Variants in FHL2 observed in about 807,000 individuals in gnomAD.
FHL2 encodes the protein four and a half LIM domains protein 2.
A neutral mutation model predicts 32.7 loss-of-function variants in FHL2; 20 were observed. The ratio of observed to expected loss-of-function variants is 0.61; its 90% CI spans 0.43 to 0.89. The LOEUF (loss-of-function observed/expected upper bound fraction) is 0.89. Ranked by LOEUF, FHL2 falls within the 40% of genes least tolerant of loss-of-function variation. The pLI, the probability that FHL2 is intolerant of heterozygous loss-of-function variation, is 0.00. For synonymous variants in FHL2, 123 were observed against 128.1 expected (o/e 0.96, Z 0.27); for missense variants, 311 against 358.6 (o/e 0.87, Z 1.07).
intron 3 of FHL2, among the ~76,000 whole-genome samples, chr2:105,385,567 G>A (rs1348799511): frequency 6.6e-6 from 1 of 152,220 alleles, no homozygotes; most frequent in Non-Finnish European, 1.5e-5. Flanking sequence ...CCATTTTGTA[G>A]CCAGTTTCAC....
At chr2:105,435,560 G>T (rs548381340) in intron 1 of FHL2, among the ~76,000 whole-genome samples, 1 of 152,166 alleles carries the variant, frequency 6.6e-6, no homozygotes, top group Non-Finnish European at 1.5e-5. Flanking sequence ...ACTCTTTAAA[G>T]ACCAGAATGA....
At chr2:105,425,611 T>A (rs1684239685) in intron 1 of FHL2, among the ~76,000 whole-genome samples, 1 of 152,012 alleles carries the variant, frequency 6.6e-6, no homozygotes, top group African/African-American at 2.4e-5. Flanking sequence ...TTTGTTCAAC[T>A]CTGAGATAGG....
chr2:105,417,684 CAAAAAAAA>C (rs11353319), intron 1 of FHL2, among the ~76,000 whole-genome samples: 1 of 89,396 alleles, frequency 1.1e-5, no homozygotes, highest in Non-Finnish European at 2.2e-5. Flanking sequence ...ACTCCATCTC[CAAAAAAAA>C]AAAAAAAAAA....
At chr2:105,395,369 C>T (rs1683051086) in intron 2 of FHL2, among the ~76,000 whole-genome samples, 1 of 152,200 alleles carries the variant, frequency 6.6e-6, no homozygotes, top group Admixed American at 6.5e-5. Flanking sequence ...TCTACACCTA[C>T]AAAACGAAAA....
intron 3 of FHL2, chr2:105,376,577 G>C (rs562905501): frequency 7.9e-5 from 12 of 152,314 alleles, no homozygotes; most frequent in African/African-American, 2.6e-4. Context: ...TGGAAGAAAT[G>C]CATTAAGAAT....
chr2:105,428,993 C>A lies in FHL2; in HGVS notation c.-25+9406G>T, dbSNP rs530887795. 2.0e-5 allele frequency among the ~76,000 whole-genome samples: 3 copies of A among 152,296 alleles called. No individual in the cohort carries two copies. In the East Asian group the frequency reaches 5.8e-4, roughly 29 times the overall value. On this transcript the variant is annotated intron_variant, in intron 1 of 5. Transcript: ENST00000393352. ...ATGGGGTGAGATGGATTGTTTTAAA[C>A]CTTACCTTCATAAGATAAAACAATG...
At chr2:105,398,569 C>T (rs1683303749) in intron 1 of FHL2, among the ~76,000 whole-genome samples, 2 of 152,220 alleles carry the variant, frequency 1.3e-5, no homozygotes, top group African/African-American at 4.8e-5. Context: ...GCCCGCATGG[C>T]GGTGCCCCAC....
In FHL2 at chr2:105,414,391, T is replaced by G. The variant is rs562006273; in HGVS notation, c.-25+24008A>C. ...CCTCTGCCCTCCTGGGAGGTTGGCG[T>G]TGGGGCTGAAAGTCCCAACCCTCTA... is the stretch of plus-strand genomic sequence containing the variant. On this transcript the variant is annotated intron_variant, in intron 1 of 5. Coordinates refer to the FHL2 transcript ENST00000393352. Among the ~76,000 whole-genome samples, 48 of 152,284 alleles carry G rather than the reference T, an allele frequency of 3.2e-4. 1 individual carries two copies. Among genetic ancestry groups the G allele is most frequent in the African/African-American group, 1.1e-3 (46 of 41,552 alleles).
upstream of FHL2, chr2:105,399,716 C>G: frequency 8.1e-7 from 1 of 1,230,862 alleles, no homozygotes; most frequent in Non-Finnish European, 1.1e-6. Context: ...CTCTGCGTGA[C>G]GCTGACGCTG....
rs1683334464 is a variant in FHL2, at chr2:105,398,912, C to T, written c.-146G>A. 1.3e-6 allele frequency: 2 copies of T among 1,537,580 alleles called. No homozygotes were observed. Among genetic ancestry groups the T allele is most frequent in the African/African-American group, 2.9e-5 (2 of 70,066 alleles). Reference sequence around the variant, plus strand: ...ACCGGATTCGGCCCCCACTTCCGAGCCCTGGTGGCTAAGCCCCTCGGCCTC... The same window carrying T: ...ACCGGATTCGGCCCCCACTTCCGAGTCCTGGTGGCTAAGCCCCTCGGCCTC... On this transcript the variant is annotated 5_prime_UTR_variant, in exon 1 of 7. Coordinates refer to ENST00000530340, the MANE Select transcript of FHL2 (RefSeq NM_001318895.3).
intron 1 of FHL2, among the ~76,000 whole-genome samples, chr2:105,420,769 A>C (rs1383368590): frequency 1.3e-5 from 2 of 152,118 alleles, no homozygotes; most frequent in Non-Finnish European, 2.9e-5. Context: ...AGGGGCATGC[A>C]ACCTAGATCC....
At chr2:105,360,752 A>G (rs1284675989), downstream of FHL2, 1 of 153,060 alleles carries the variant, frequency 6.5e-6, no homozygotes, top group Non-Finnish European at 1.5e-5. Flanking sequence ...CCATGGGACC[A>G]TGCAATAAAG....
In FHL2 at chr2:105,367,724, T is replaced by A; in HGVS notation, c.347A>T (p.Glu116Val). 1 of 1,613,916 alleles carries A rather than the reference T, an allele frequency of 6.2e-7. No individual in the cohort carries two copies. Among genetic ancestry groups the A allele is most frequent in the Non-Finnish European group, 8.5e-7 (1 of 1,179,870 alleles). Residue 116 changes from glutamate (E) to valine (V), a missense_variant, in exon 5 of 7, where the codon GAG (glutamate) becomes GTG (valine). Physicochemically the swap from Glu to Val is moderately radical, Grantham distance 121. Transcript: ENST00000530340. ...KTIMPGTRKM[E>V]YKGSSWHETC... ...CTCATGCCAGCTGCTGCCCTTGTAC[T>A]CCATCTTGCGGGTACCTGTCATCAG...
intron 1 of FHL2, among the ~76,000 whole-genome samples, chr2:105,420,942 T>A (rs902010846): frequency 6.6e-6 from 1 of 152,146 alleles, no homozygotes; most frequent in African/African-American, 2.4e-5. Context: ...TACCGGTCTA[T>A]GGCCTGGGGA....
intron 1 of FHL2, among the ~76,000 whole-genome samples, chr2:105,432,659 C>G (rs1310010047): frequency 6.6e-6 from 1 of 151,968 alleles, no homozygotes; most frequent in Non-Finnish European, 1.5e-5. Context: ...CAGACTTATA[C>G]AGAGGCACAC....
At chr2:105,415,019 T>G (rs1683894550) in intron 1 of FHL2, among the ~76,000 whole-genome samples, 1 of 152,272 alleles carries the variant, frequency 6.6e-6, no homozygotes. Flanking sequence ...CTTTTGATCC[T>G]TAAAGTTATA....
chr2:105,410,069 G>T (rs1286866551), intron 1 of FHL2, among the ~76,000 whole-genome samples: 3 of 152,216 alleles, frequency 2.0e-5, no homozygotes, highest in African/African-American at 7.2e-5. Context: ...CCATCCAGAA[G>T]GCTGGACCCA....
At chr2:105,412,586 CAAAT>C (rs972569355) in intron 1 of FHL2, among the ~76,000 whole-genome samples, 14 of 152,160 alleles carry the variant, frequency 9.2e-5, no homozygotes, top group African/African-American at 3.4e-4. Context: ...AGCAAAAGAG[CAAAT>C]AAATAAACCA....
upstream of FHL2, among the ~76,000 whole-genome samples, chr2:105,402,617 C>T (rs1683509255): frequency 6.6e-6 from 1 of 152,096 alleles, no homozygotes; most frequent in Non-Finnish European, 1.5e-5. Context: ...ATTTGTTAAA[C>T]TGATATTAAT....
Sources: gnomAD v4.1 joint callset for allele counts (sites outside exome capture counted in the v4.1 genomes callset) on GRCh38, gnomAD v4.1.1 for gene constraint, MANE v1.5 for transcripts, NCBI Gene and HGNC (gene_info 2026-07-23, HGNC 2026-07-21) for gene names.